The following CFAP20DC variants were observed in gnomAD, a reference collection of about 807,000 sequenced individuals.
CFAP20DC encodes the protein CFAP20 domain containing.
Under a neutral mutation model 101.7 loss-of-function variants are expected in CFAP20DC, and 84 were observed. The ratio of observed to expected loss-of-function variants is 0.83; its 90% CI spans 0.69 to 0.99. CFAP20DC has a LOEUF of 0.99. Among genes scored for constraint, CFAP20DC ranks in the 50% least tolerant of loss-of-function variants. The probability of loss-of-function intolerance (pLI) is 0.00; values close to 1 mark genes in which losing one functional copy is unlikely to be tolerated. For missense variants in CFAP20DC, 1,007 were observed against 970.3 expected, an observed-to-expected ratio of 1.04 and a Z score of -0.50; for synonymous variants, 359 against 351.2, an observed-to-expected ratio of 1.02 and a Z score of -0.25.
At chr3:58,942,771 G>C (rs1056847260) in intron 4 of CFAP20DC, among the ~76,000 whole-genome samples, 7 of 152,166 alleles carry the variant, frequency 4.6e-5, no homozygotes, top group African/African-American at 1.7e-4. Context: ...GAACCAAGTG[G>C]TCTTGCTCAG....
At position 58,816,432 on chromosome 3, in the gene CFAP20DC, G is replaced by A. The variant is rs764255129; in HGVS notation, c.2176-9976C>T. ...ACAGTGGGCACAGGCCAGTGGGTGC[G>A]TGCACCGTGCGCGAGCCGAAGCAGG... is the stretch of plus-strand genomic sequence containing the variant. On this transcript the variant is annotated intron_variant, in intron 14 of 16. Coordinates refer to ENST00000482387, the MANE Select transcript of CFAP20DC (RefSeq NM_001394063.1). Among the ~76,000 whole-genome samples the A allele has an allele frequency of 1.3e-3, 191 of 152,284 alleles. 1 individual carries two copies. Among genetic ancestry groups the A allele is most frequent in the Non-Finnish European group, 2.2e-3 (148 of 68,026 alleles).
At chr3:59,036,562 A>C (rs1465779582) in intron 4 of CFAP20DC, among the ~76,000 whole-genome samples, 2 of 152,208 alleles carry the variant, frequency 1.3e-5, no homozygotes, top group African/African-American at 4.8e-5. Context: ...AAAGAGAATA[A>C]AATATCTAGG....
At chr3:58,938,716 C>T (rs1218965754) in intron 4 of CFAP20DC, among the ~76,000 whole-genome samples, 1 of 151,942 alleles carries the variant, frequency 6.6e-6, no homozygotes, top group South Asian at 2.1e-4. Context: ...CCCCTCCTTC[C>T]CACTTTTCTA....
chr3:58,917,719 A>C (rs545790723), intron 5 of CFAP20DC, among the ~76,000 whole-genome samples: 3 of 152,190 alleles, frequency 2.0e-5, no homozygotes, highest in African/African-American at 7.2e-5. Context: ...GTGTTTAATA[A>C]GTGGTATAAG....
rs2082776670 is a variant in CFAP20DC, at chr3:58,897,646, T to C, written c.551-12937A>G. ...TTCTTTTCACTTTTGAAGGTTAGTT[T>C]GGCCAGATATGAAATTCAGGATTGG... On this transcript the variant is annotated intron_variant, in intron 6 of 16. Coordinates refer to ENST00000482387, the MANE Select transcript of CFAP20DC (RefSeq NM_001394063.1). The surrounding 1 kb of genome is among the most constrained non-coding windows in gnomAD (Gnocchi z 4.4). 6.6e-6 allele frequency among the ~76,000 whole-genome samples: 1 copy of C among 152,224 alleles called. No individual in the cohort carries two copies. Among genetic ancestry groups the C allele is most frequent in the South Asian group, 2.1e-4 (1 of 4,830 alleles).
chr3:58,921,138 C>T (rs1318467154), intron 5 of CFAP20DC, among the ~76,000 whole-genome samples: 1 of 151,598 alleles, frequency 6.6e-6, no homozygotes, highest in Non-Finnish European at 1.5e-5. Context: ...TGTGTATGTT[C>T]TTTTTTTTCT....
At chr3:58,904,109 C>T (rs867934161) in intron 6 of CFAP20DC, among the ~76,000 whole-genome samples, 2 of 152,066 alleles carry the variant, frequency 1.3e-5, no homozygotes, top group African/African-American at 2.4e-5. Flanking sequence ...CTAATCCATG[C>T]ATGTGAGATG....
At chr3:58,942,111 G>A (rs2088692597) in intron 4 of CFAP20DC, among the ~76,000 whole-genome samples, 1 of 151,946 alleles carries the variant, frequency 6.6e-6, no homozygotes, top group Non-Finnish European at 1.5e-5. Flanking sequence ...TTTCTATACT[G>A]GTTGAAATTA....
chr3:58,722,334 A>G lies in CFAP20DC; in HGVS notation c.198-4706T>C, dbSNP rs1165034385. ...TGTCCACGGAACCCATGCGTGTACT[A>G]CTATGGTAGTGGTCTTATATCACTC... On this transcript the variant is annotated intron_variant, in intron 3 of 3. Transcript: ENST00000486145. The surrounding 1 kb of genome is among the most constrained non-coding windows in gnomAD (Gnocchi z 4.5). Among the ~76,000 whole-genome samples, 1 of 152,122 alleles carries G rather than the reference A, an allele frequency of 6.6e-6. No individual in the cohort carries two copies. The highest frequency in any genetic ancestry group is 1.5e-5 in the Non-Finnish European group (1 of 68,022).
chr3:58,841,827 T>C (rs368885906), intron 13 of CFAP20DC, among the ~76,000 whole-genome samples: 2 of 152,242 alleles, frequency 1.3e-5, no homozygotes, highest in Non-Finnish European at 2.9e-5. Flanking sequence ...CATTCTTCAA[T>C]AAGCTCAAAC....
chr3:59,020,725 A>C (rs2093786792), intron 4 of CFAP20DC, among the ~76,000 whole-genome samples: 2 of 152,176 alleles, frequency 1.3e-5, no homozygotes, highest in Admixed American at 1.3e-4. Context: ...TATGAGGAGA[A>C]GCTTTAAACT....
intron 14 of CFAP20DC, among the ~76,000 whole-genome samples, chr3:58,813,554 C>T (rs1245443603): frequency 6.6e-6 from 1 of 151,820 alleles, no homozygotes; most frequent in African/African-American, 2.4e-5. Flanking sequence ...ACAACGTAGC[C>T]ATGGTGCCTG....
intron 16 of CFAP20DC, among the ~76,000 whole-genome samples, chr3:58,750,104 A>T (rs373163413): frequency 8.1e-4 from 123 of 152,272 alleles, no homozygotes; most frequent in Middle Eastern, 3.4e-3. Context: ...GCATTCATGC[A>T]CTTGAGACAT....
intron 7 of CFAP20DC, among the ~76,000 whole-genome samples, chr3:58,883,820 T>C (rs2081397357): frequency 6.6e-6 from 1 of 152,202 alleles, no homozygotes; most frequent in African/African-American, 2.4e-5. Flanking sequence ...AAAATGTCTC[T>C]AACCTGTAAG....
At chr3:58,739,426 C>T (rs1171703251), downstream of CFAP20DC, among the ~76,000 whole-genome samples, 1 of 152,116 alleles carries the variant, frequency 6.6e-6, no homozygotes, top group Non-Finnish European at 1.5e-5. Flanking sequence ...TTTTTAGTCT[C>T]CATTTGCAAT....
intron 3 of CFAP20DC, among the ~76,000 whole-genome samples, chr3:59,043,670 G>T (rs1350922872): frequency 6.6e-6 from 1 of 151,808 alleles, no homozygotes; most frequent in Non-Finnish European, 1.5e-5. Flanking sequence ...TTTCAAACAT[G>T]AGCCTCCAAC....
intron 14 of CFAP20DC, among the ~76,000 whole-genome samples, chr3:58,822,439 G>A (rs190290540): frequency 4.0e-5 from 6 of 150,978 alleles, no homozygotes; most frequent in Admixed American, 3.3e-4. Flanking sequence ...GACTGTTGTG[G>A]GGTGGTGGGA....
At chr3:58,860,437 CA>C (rs2079156818) in intron 12 of CFAP20DC, among the ~76,000 whole-genome samples, 2 of 152,140 alleles carry the variant, frequency 1.3e-5, no homozygotes, top group Non-Finnish European at 2.9e-5. Context: ...AGAGAAGATA[CA>C]AAAGCCTTCC....
At chr3:58,760,361 T>C (rs201939646) in intron 15 of CFAP20DC, among the ~76,000 whole-genome samples, 1 of 152,346 alleles carries the variant, frequency 6.6e-6, no homozygotes, top group East Asian at 1.9e-4. Flanking sequence ...ATAAGAATGC[T>C]TGTGATTTTT....
Sources: allele counts gnomAD v4.1 joint callset (sites outside exome capture counted in the v4.1 genomes callset), GRCh38; gene constraint gnomAD v4.1.1; non-coding constraint Gnocchi (gnomAD v3.1); transcripts MANE v1.5; gene names NCBI Gene and HGNC (gene_info 2026-07-23, HGNC 2026-07-21).